Variants in PIK3C3 observed in about 807,000 individuals in gnomAD.
PIK3C3 encodes PI3-kinase type 3.
In PIK3C3, 95 loss-of-function variants were observed where a neutral mutation model predicts 126.1. The ratio of observed to expected loss-of-function variants is 0.75; its 90% CI spans 0.64 to 0.89. PIK3C3 has a LOEUF of 0.89. Among genes scored for constraint, PIK3C3 ranks in the 40% least tolerant of loss-of-function variants. PIK3C3 has a pLI of 0.00. For missense variants in PIK3C3, 829 were observed against 1,063.2 expected (o/e 0.78, Z 3.06); for synonymous variants, 374 against 360.0 (o/e 1.04, Z -0.44).
At chr18:42,073,039 G>A (rs1049161232) in intron 24 of PIK3C3, among the ~76,000 whole-genome samples, 5 of 152,106 alleles carry the variant, frequency 3.3e-5, no homozygotes, top group Admixed American at 2.0e-4. Context: ...GTGTTTTCCA[G>A]TAATGTTAAT....
At chr18:42,007,238 T>G (rs1982595852) in intron 10 of PIK3C3, among the ~76,000 whole-genome samples, 1 of 152,216 alleles carries the variant, frequency 6.6e-6, no homozygotes, top group Non-Finnish European at 1.5e-5. Context: ...GCTTTTTACA[T>G]TTTGCAGACA....
intron 10 of PIK3C3, among the ~76,000 whole-genome samples, chr18:42,009,772 A>T (rs1024570450): frequency 1.8e-4 from 27 of 150,278 alleles, no homozygotes; most frequent in South Asian, 6.3e-4. Context: ...ATGCTTACAT[A>T]ATGTAAGCAT....
intron 21 of PIK3C3, among the ~76,000 whole-genome samples, chr18:42,054,134 AT>A (rs1158349543): frequency 2.4e-4 from 3 of 12,574 alleles, no homozygotes; most frequent in African/African-American, 4.6e-4. Flanking sequence ...TGGTATATAT[AT>A]ATATATATAT....
chr18:42,021,514 A>T (rs1983319739), intron 13 of PIK3C3, among the ~76,000 whole-genome samples: 1 of 152,244 alleles, frequency 6.6e-6, no homozygotes, highest in Admixed American at 6.5e-5. Flanking sequence ...AACAAAGGGC[A>T]GAGCCAGGTG....
chr18:41,985,828 ATATT>A (rs1981446826), intron 4 of PIK3C3, among the ~76,000 whole-genome samples: 1 of 152,140 alleles, frequency 6.6e-6, no homozygotes, highest in African/African-American at 2.4e-5. Context: ...GAGATAATAT[ATATT>A]AGCAGCAAAC....
intron 20 of PIK3C3, among the ~76,000 whole-genome samples, chr18:42,048,416 T>C (rs1984652166): frequency 1.3e-5 from 2 of 152,196 alleles, no homozygotes; most frequent in South Asian, 4.1e-4. Context: ...TTTCCTTGCA[T>C]CTATATTTGC....
chr18:41,965,542 TG>T lies in PIK3C3; in HGVS notation c.401+2913del, dbSNP rs546854339. ...GAAGCCTATGAGAAAAGCATCTTCC[TG>T]GGTTCTCACTAACTCAGTGTGTCTG... On this transcript the variant is annotated intron_variant, in intron 3 of 24. Coordinates refer to ENST00000262039, the MANE Select transcript of PIK3C3 (RefSeq NM_002647.4). Among the ~76,000 whole-genome samples the T allele has an allele frequency of 5.3e-3, 803 of 152,308 alleles. 6 individuals carry two copies. The highest frequency in any genetic ancestry group is 8.5e-3 in the Non-Finnish European group (577 of 68,020).
intron 9 of PIK3C3, among the ~76,000 whole-genome samples, chr18:42,003,077 C>CT (rs985870980): frequency 4.6e-5 from 7 of 152,186 alleles, no homozygotes; most frequent in African/African-American, 1.4e-4. Context: ...AGCCATTTAT[C>CT]TTTGCTGAGG....
intron 12 of PIK3C3, among the ~76,000 whole-genome samples, chr18:42,016,015 A>G (rs1983058696): frequency 6.6e-6 from 1 of 152,124 alleles, no homozygotes; most frequent in Admixed American, 6.5e-5. Flanking sequence ...GACTAGTGCT[A>G]CTCTGAAAAG....
At chr18:42,071,654 A>C (rs1985777497) in intron 24 of PIK3C3, among the ~76,000 whole-genome samples, 1 of 151,504 alleles carries the variant, frequency 6.6e-6, no homozygotes, top group African/African-American at 2.4e-5. Flanking sequence ...CAGGAGGCAG[A>C]GGTTGCAGTG....
At position 42,013,363 on chromosome 18, in the gene PIK3C3, TG is replaced by T. The variant is rs1273198435; in HGVS notation, c.1171-78del. Reference sequence around the variant, plus strand: ...GATAGATAAAAGTAAAATGTTTACTTGATATTTAGGAATAAATTATGTCTGT... The same window carrying T: ...GATAGATAAAAGTAAAATGTTTACTTATATTTAGGAATAAATTATGTCTGT... On this transcript the variant is annotated intron_variant, in intron 10 of 24. Transcript: ENST00000262039. The T allele has an allele frequency of 3.5e-6, 3 of 852,466 alleles. No individual in the cohort carries two copies. In the African/African-American group the frequency reaches 5.3e-5, roughly 15 times the overall value. The allele number at this position is 852,466 out of a possible 1,614,324, so 52.8% of individuals were successfully genotyped here. A position where few individuals can be genotyped will look rare whatever the true frequency, so the allele number is the denominator to read the frequency against.
intron 3 of PIK3C3, among the ~76,000 whole-genome samples, chr18:41,966,059 TAG>T (rs898617469): frequency 6.6e-6 from 1 of 152,208 alleles, no homozygotes; most frequent in Non-Finnish European, 1.5e-5. Context: ...TGAAACCTGT[TAG>T]AGAGAAGCAC....
intron 3 of PIK3C3, among the ~76,000 whole-genome samples, chr18:41,968,674 T>C (rs553280485): frequency 8.5e-5 from 13 of 152,306 alleles, no homozygotes; most frequent in Admixed American, 6.5e-4. Flanking sequence ...TCATTACTTA[T>C]ACACATTATA....
intron 12 of PIK3C3, among the ~76,000 whole-genome samples, chr18:42,019,319 T>G (rs1257631930): frequency 6.6e-6 from 1 of 152,174 alleles, no homozygotes; most frequent in African/African-American, 2.4e-5. Context: ...GTTTTCTTAC[T>G]TCTCTTCTCA....
intron 20 of PIK3C3, among the ~76,000 whole-genome samples, chr18:42,048,076 C>T (rs769631938): frequency 3.9e-5 from 6 of 152,200 alleles, no homozygotes; most frequent in Admixed American, 6.5e-5. Context: ...GTAGTTTATT[C>T]TCCCTTCATC....
chr18:42,023,320 A>G lies in PIK3C3; in HGVS notation c.1484+2615A>G, dbSNP rs115829872. 8.3e-3 allele frequency among the ~76,000 whole-genome samples: 1,265 copies of G among 152,346 alleles called. 13 individuals are homozygous for G. Among genetic ancestry groups the G allele is most frequent in the African/African-American group, 0.028 (1,156 of 41,576 alleles). On this transcript the variant is annotated intron_variant, in intron 13 of 24. Transcript: ENST00000262039. ...ATAGAATCTTTGATCTCTTATTTCA[A>G]GTAGGCAGAATTTTCTGAAAGCAGC...
rs376589242 is a variant in PIK3C3 at position 41,955,377 on chromosome 18, A to T, written c.68+18A>T. On this transcript the variant is annotated intron_variant, in intron 1 of 24. Coordinates refer to ENST00000262039, the MANE Select transcript of PIK3C3 (RefSeq NM_002647.4). The stretch of plus-strand genomic sequence containing the variant: ...CTTAAGATGTAAGAGAACACTCGGG[A>T]CAGGGAGTGGGATTGCTGGGGCGTA... 20 of 1,606,626 alleles carry T rather than the reference A, an allele frequency of 1.2e-5. No individual in the cohort carries two copies. Among genetic ancestry groups the T allele is most frequent in the Non-Finnish European group, 1.6e-5 (19 of 1,174,230 alleles).
chr18:42,047,990 G>T (rs1421372648), intron 20 of PIK3C3, among the ~76,000 whole-genome samples: 1 of 152,182 alleles, frequency 6.6e-6, no homozygotes, highest in Non-Finnish European at 1.5e-5. Context: ...TTAAACCAGT[G>T]TGTAAATGAA....
At chr18:42,070,028 T>C (rs1400288318) in intron 24 of PIK3C3, among the ~76,000 whole-genome samples, 1 of 152,234 alleles carries the variant, frequency 6.6e-6, no homozygotes, top group African/African-American at 2.4e-5. Context: ...GTTGGGTTTG[T>C]CTTGGAGGTC....
Sources: gnomAD v4.1 joint callset for allele counts (sites outside exome capture counted in the v4.1 genomes callset) on GRCh38, gnomAD v4.1.1 for gene constraint, MANE v1.5 for transcripts, NCBI Gene and HGNC (gene_info 2026-07-23, HGNC 2026-07-21) for gene names.